The following LIMCH1 variants were observed in gnomAD, a reference collection of about 807,000 sequenced individuals.
LIMCH1 encodes the protein LIM and calponin homology domains 1, also known as LIM and calponin homology domains-containing protein 1.
In LIMCH1, 113 loss-of-function variants were observed where a neutral mutation model predicts 176.5. The observed-to-expected ratio is 0.64, with a 90% CI of 0.55 to 0.75. The LOEUF is 0.75. LIMCH1 is among the 30% of genes least tolerant of loss of function. LIMCH1 has a pLI of 0.00. For missense variants in LIMCH1, 1,674 were observed against 1,814.9 expected (o/e 0.92, Z 1.41); for synonymous variants, 619 against 645.9 (o/e 0.96, Z 0.63).
At position 41,690,327 on chromosome 4, in the gene LIMCH1, C is replaced by T. The variant is rs201328755; in HGVS notation, c.4275+692C>T. 1.4e-4 allele frequency among the ~76,000 whole-genome samples: 21 copies of T among 152,218 alleles called. No individual in the cohort carries two copies. In the East Asian group the frequency reaches 2.1e-3, roughly 15 times the overall value. On this transcript the variant is annotated intron_variant, in intron 30 of 31. Coordinates refer to ENST00000503057, the MANE Select transcript of LIMCH1 (RefSeq NM_001330672.2). ...GAGTAGGTGTCAATAAATATTTTTACGTGAATGAATTAGTGAATAAACTGA... is the reference window on the plus strand; with the variant it reads ...GAGTAGGTGTCAATAAATATTTTTATGTGAATGAATTAGTGAATAAACTGA...
intron 1 of LIMCH1, among the ~76,000 whole-genome samples, chr4:41,383,424 A>T (rs1356495683): frequency 6.6e-6 from 1 of 152,196 alleles, no homozygotes; most frequent in African/African-American, 2.4e-5. Context: ...GAGCGAAGTG[A>T]TGAAGGGGTT....
intron 1 of LIMCH1, among the ~76,000 whole-genome samples, chr4:41,456,212 G>A (rs1237013471): frequency 6.6e-6 from 1 of 152,114 alleles, no homozygotes; most frequent in African/African-American, 2.4e-5. Context: ...CAGAAACATG[G>A]CTAGGTTTAT....
intron 22 of LIMCH1, among the ~76,000 whole-genome samples, chr4:41,672,611 A>G (rs1459046231): frequency 6.6e-6 from 1 of 152,172 alleles, no homozygotes; most frequent in Non-Finnish European, 1.5e-5. Context: ...TCTATTTTGT[A>G]TTTTAATGAA....
intron 1 of LIMCH1, among the ~76,000 whole-genome samples, chr4:41,446,986 T>C (rs1025287881): frequency 1.3e-5 from 2 of 152,212 alleles, no homozygotes; most frequent in African/African-American, 2.4e-5. Flanking sequence ...TCCTGCACTT[T>C]GGGAGGCTGA....
At chr4:41,507,755 A>G (rs1429592853) in intron 2 of LIMCH1, among the ~76,000 whole-genome samples, 1 of 151,700 alleles carries the variant, frequency 6.6e-6, no homozygotes, top group Admixed American at 6.6e-5. Context: ...GGGCAAGGAC[A>G]TCTCTTCCTT....
chr4:41,450,623 C>T (rs962867184), intron 1 of LIMCH1, among the ~76,000 whole-genome samples: 3 of 151,630 alleles, frequency 2.0e-5, no homozygotes, highest in East Asian at 1.9e-4. Context: ...GGTGAAATCC[C>T]GTCTCTACTG....
chr4:41,391,623 C>A (rs1196590260), intron 1 of LIMCH1, among the ~76,000 whole-genome samples: 2 of 152,128 alleles, frequency 1.3e-5, no homozygotes, highest in South Asian at 4.2e-4. Flanking sequence ...CTGTGGTATT[C>A]TTCTCCCAAA....
upstream of LIMCH1, among the ~76,000 whole-genome samples, chr4:41,534,351 T>G (rs537232416): frequency 3.9e-5 from 6 of 152,340 alleles, no homozygotes; most frequent in South Asian, 1.2e-3. Context: ...AAAATGCATC[T>G]TTATTTCAGA....
intron 2 of LIMCH1, among the ~76,000 whole-genome samples, chr4:41,509,342 A>G (rs969557434): frequency 6.6e-6 from 1 of 152,122 alleles, no homozygotes; most frequent in Non-Finnish European, 1.5e-5. Flanking sequence ...GTAGGGCACA[A>G]TGTGTCTTTG....
intron 2 of LIMCH1, among the ~76,000 whole-genome samples, chr4:41,497,797 C>T (rs1390503163): frequency 7.6e-6 from 1 of 132,254 alleles, no homozygotes; most frequent in Non-Finnish European, 1.6e-5. Flanking sequence ...AAGAGCGAAA[C>T]TTCGTCTCAA....
In LIMCH1 at chr4:41,624,212, A is replaced by G. The variant is rs988492082; in HGVS notation, c.726-2496A>G. The stretch of plus-strand genomic sequence containing the variant: ...TTGTACCTCTTTTCTAATTGTTTTC[A>G]TATGTTTCAGCACTCAGTGCTTGCT... On this transcript the variant is annotated intron_variant, in intron 7 of 31. Coordinates refer to ENST00000503057, the MANE Select transcript of LIMCH1 (RefSeq NM_001330672.2). Among the ~76,000 whole-genome samples, 4 of 152,166 alleles carry G rather than the reference A, an allele frequency of 2.6e-5. No homozygotes were observed. The South Asian group carries it at 6.2e-4, about 24-fold the overall frequency.
intron 1 of LIMCH1, among the ~76,000 whole-genome samples, chr4:41,417,466 G>A (rs1467728011): frequency 6.6e-6 from 1 of 152,170 alleles, no homozygotes; most frequent in Non-Finnish European, 1.5e-5. Context: ...AAACAACCCT[G>A]ATAGGCGATC....
At chr4:41,590,425 AC>A (rs1168328602) in intron 1 of LIMCH1, among the ~76,000 whole-genome samples, 1 of 151,858 alleles carries the variant, frequency 6.6e-6, no homozygotes, top group Non-Finnish European at 1.5e-5. Flanking sequence ...CCTCTCCTCC[AC>A]CCATTGGCTC....
chr4:41,615,117 A>G (rs1239721989), intron 5 of LIMCH1, among the ~76,000 whole-genome samples: 1 of 152,212 alleles, frequency 6.6e-6, no homozygotes, highest in East Asian at 1.9e-4. Context: ...GAAGTTAAAT[A>G]CCAAGTTCAC....
chr4:41,425,293 C>T (rs1051315805), intron 1 of LIMCH1, among the ~76,000 whole-genome samples: 6 of 152,138 alleles, frequency 3.9e-5, no homozygotes, highest in East Asian at 1.9e-4. Flanking sequence ...TCTATTTCTT[C>T]CTTAATCCTC....
chr4:41,590,377 G>A (rs1584553410), intron 1 of LIMCH1, among the ~76,000 whole-genome samples: 1 of 152,150 alleles, frequency 6.6e-6, no homozygotes, highest in South Asian at 2.1e-4. Flanking sequence ...GAACTACCAC[G>A]CCAGGCCTGG....
At chr4:41,387,242 A>G (rs970112074) in intron 1 of LIMCH1, among the ~76,000 whole-genome samples, 4 of 152,246 alleles carry the variant, frequency 2.6e-5, no homozygotes, top group South Asian at 2.1e-4. Flanking sequence ...TTCATTCTTT[A>G]TAGAATGTAT....
At chr4:41,605,850 C>G (rs1302254815) in intron 3 of LIMCH1, 44 bp from the exon 4 acceptor site, 1 of 1,264,642 alleles carries the variant, frequency 7.9e-7, no homozygotes, top group African/African-American at 1.5e-5. Context: ...GTTTAAACGT[C>G]ATTCTTGAGG....
intron 3 of LIMCH1, among the ~76,000 whole-genome samples, chr4:41,527,713 C>A (rs898053439): frequency 4.0e-5 from 6 of 151,354 alleles, no homozygotes; most frequent in African/African-American, 1.5e-4. Flanking sequence ...GTCCCAGCTA[C>A]TCAGGAGGCT....
Sources: allele counts gnomAD v4.1 joint callset (sites outside exome capture counted in the v4.1 genomes callset), GRCh38; gene constraint gnomAD v4.1.1; transcripts MANE v1.5; gene names NCBI Gene and HGNC (gene_info 2026-07-23, HGNC 2026-07-21).